The following HNF4A variants were observed in gnomAD, a reference collection of about 807,000 sequenced individuals.
HNF4A encodes hepatocyte nuclear factor 4-alpha.
HNF4A carries 15 observed loss-of-function variants against 52.4 expected under a neutral mutation model. The ratio of observed to expected loss-of-function variants is 0.29; its 90% CI spans 0.19 to 0.44. The LOEUF is 0.44. Among genes scored for constraint, HNF4A ranks in the 20% least tolerant of loss-of-function variants. The probability of loss-of-function intolerance (pLI) is 1.00; values close to 1 mark genes in which losing one functional copy is unlikely to be tolerated. For synonymous variants in HNF4A, 280 were observed against 264.4 expected, an observed-to-expected ratio of 1.06 and a Z score of -0.57; for missense variants, 479 against 647.2, an observed-to-expected ratio of 0.74 and a Z score of 2.82.
At position 44,424,035 on chromosome 20, in the gene HNF4A, G is replaced by C; in HGVS notation, c.910G>C (p.Asp304His). The change falls in exon 8 of 10, where the codon GAT becomes CAT. Residue 304 changes from aspartate to histidine, a missense_variant. Around this residue, in one of 3 missense-constraint regions of HNF4A, gnomAD observed 389 missense variants for 525.1 expected, o/e 0.74. Coordinates refer to ENST00000316099, the MANE Select transcript of HNF4A (RefSeq NM_000457.6). ...CATTGTAGATGCCAAGGGGCTGAGC[G>C]ATCCAGGGAAGATCAAGCGGCTGCG... 6.2e-7 allele frequency: 1 copy of C among 1,613,056 alleles called. No individual in the cohort carries two copies.
chr20:44,370,156 T>G (rs796657745), intron 1 of HNF4A, among the ~76,000 whole-genome samples: 3 of 152,226 alleles, frequency 2.0e-5, no homozygotes, highest in African/African-American at 7.2e-5. Context: ...CCCCCCCAAG[T>G]AGCTGGGACT....
At chr20:44,425,709 C>T (rs1354777916) in intron 8 of HNF4A, among the ~76,000 whole-genome samples, 2 of 142,214 alleles carry the variant, frequency 1.4e-5, no homozygotes, top group East Asian at 2.1e-4. Flanking sequence ...GGCTGGAGTG[C>T]AGTGGCGCAA....
At chr20:44,408,756 C>T (rs938338181) in intron 3 of HNF4A, among the ~76,000 whole-genome samples, 5 of 151,956 alleles carry the variant, frequency 3.3e-5, no homozygotes, top group African/African-American at 1.2e-4. Flanking sequence ...AGTTCATTTT[C>T]GAATCTCTTC....
At position 44,424,374 on chromosome 20, in the gene HNF4A, G is replaced by A. The variant is rs145360792; in HGVS notation, c.1129+120G>A. 115 of 1,508,754 alleles carry A rather than the reference G, an allele frequency of 7.6e-5. 1 individual carries two copies. The highest frequency in any genetic ancestry group is 1.8e-4 in the Middle Eastern group (1 of 5,586). 93.5% of individuals were successfully genotyped at this position (1,508,754 alleles called of 1,614,324 possible). A position where few individuals can be genotyped will look rare whatever the true frequency, so the allele number is the denominator to read the frequency against. On this transcript the variant is annotated intron_variant, in intron 8 of 9. Coordinates refer to ENST00000316099, the MANE Select transcript of HNF4A (RefSeq NM_000457.6). ...CCCACTGTGCCGCTTTGGGCAAGTT[G>A]CTTAACCTGTCTGTGCCTCAGTTTC...
rs193163870 is a variant in HNF4A, at chr20:44,395,145, G to A, written c.50-10913G>A. ...GTCTGTGATGAAGTAGAAAGTGCTC[G>A]TTGTTAAGACAAAGCTCACCCACCA... On this transcript the variant is annotated intron_variant, in intron 1 of 9. Coordinates refer to the HNF4A transcript ENST00000316673. 3.9e-5 allele frequency among the ~76,000 whole-genome samples: 6 copies of A among 152,322 alleles called. No individual in the cohort carries two copies. In the East Asian group the frequency reaches 9.6e-4, roughly 24 times the overall value.
At chr20:44,367,988 GT>G (rs372383597) in intron 1 of HNF4A, among the ~76,000 whole-genome samples, 3 of 148,472 alleles carry the variant, frequency 2.0e-5, no homozygotes, top group African/African-American at 7.4e-5. Flanking sequence ...CGAGAGGAGA[GT>G]TTATCTCTCC....
chr20:44,359,259 CT>C (rs2062892109), intron 1 of HNF4A, among the ~76,000 whole-genome samples: 1 of 152,214 alleles, frequency 6.6e-6, no homozygotes, highest in African/African-American at 2.4e-5. Context: ...CTCTGCCCTC[CT>C]CACTGCGTTG....
At chr20:44,421,759 A>G (rs1239645021) in intron 7 of HNF4A, among the ~76,000 whole-genome samples, 3 of 147,852 alleles carry the variant, frequency 2.0e-5, no homozygotes, top group African/African-American at 7.4e-5. Context: ...CATCTCAAAA[A>G]AATACATATA....
At chr20:44,381,713 T>G (rs924767351) in intron 1 of HNF4A, among the ~76,000 whole-genome samples, 2 of 152,002 alleles carry the variant, frequency 1.3e-5, no homozygotes, top group African/African-American at 4.8e-5. Context: ...CAGGTTCAAG[T>G]GATTCTTGTG....
chr20:44,388,370 AG>A (rs2063258049), intron 1 of HNF4A, among the ~76,000 whole-genome samples: 1 of 96,264 alleles, frequency 1.0e-5, no homozygotes, highest in African/African-American at 7.2e-5. Context: ...CCTTCCTCAA[AG>A]ACCCCCCCCA....
intron 3 of HNF4A, among the ~76,000 whole-genome samples, chr20:44,412,980 T>G (rs980607379): frequency 1.3e-5 from 2 of 152,140 alleles, no homozygotes; most frequent in African/African-American, 2.4e-5. Flanking sequence ...CAAGCCTCAT[T>G]CCACAGTGAG....
intron 3 of HNF4A, among the ~76,000 whole-genome samples, chr20:44,410,321 G>A (rs992068474): frequency 6.6e-6 from 1 of 152,248 alleles, no homozygotes; most frequent in Non-Finnish European, 1.5e-5. Context: ...GCGTGGGTTA[G>A]TCGATGCTAG....
At chr20:44,366,231 A>G (rs1161108039) in intron 1 of HNF4A, among the ~76,000 whole-genome samples, 1 of 152,194 alleles carries the variant, frequency 6.6e-6, no homozygotes, top group East Asian at 1.9e-4. Flanking sequence ...TGTTTTATTT[A>G]TGTATATTTA....
intron 8 of HNF4A, among the ~76,000 whole-genome samples, chr20:44,426,768 T>A (rs2063819098): frequency 6.6e-6 from 1 of 152,022 alleles, no homozygotes; most frequent in Admixed American, 6.6e-5. Context: ...GATCATGACA[T>A]TGCACTCCAG....
At chr20:44,390,357 C>G (rs974267857) in intron 1 of HNF4A, 4 of 444,728 alleles carry the variant, frequency 9.0e-6, no homozygotes, top group African/African-American at 7.9e-5. Flanking sequence ...GAGCAGGACC[C>G]AGGAGTCCAG....
chr20:44,413,620 T>G, intron 3 of HNF4A, 74 bp from the exon 4 acceptor site: 1 of 995,922 alleles, frequency 1.0e-6, no homozygotes, highest in Non-Finnish European at 1.6e-6. Context: ...CTCCCACTCC[T>G]CATCAGTCAC....
chr20:44,408,356 T>C (rs1340165805), intron 3 of HNF4A, among the ~76,000 whole-genome samples: 1 of 152,200 alleles, frequency 6.6e-6, no homozygotes, highest in Non-Finnish European at 1.5e-5. Context: ...TATTATTTTA[T>C]GCTCTCCAGA....
intron 1 of HNF4A, among the ~76,000 whole-genome samples, chr20:44,383,936 C>T (rs767963958): frequency 1.8e-4 from 27 of 151,896 alleles, no homozygotes; most frequent in South Asian, 4.2e-4. Context: ...CTGCAACCTC[C>T]GCCTCCCAGG....
At chr20:44,363,751 C>T (rs2062942451) in intron 1 of HNF4A, among the ~76,000 whole-genome samples, 1 of 146,772 alleles carries the variant, frequency 6.8e-6, no homozygotes, top group African/African-American at 2.5e-5. Context: ...CAATGTCACC[C>T]AGTGGCTCTA....
Sources: allele counts gnomAD v4.1 joint callset (sites outside exome capture counted in the v4.1 genomes callset), GRCh38; gene constraint gnomAD v4.1.1; regional missense constraint gnomAD v4.1.1; transcripts MANE v1.5; gene names NCBI Gene and HGNC (gene_info 2026-07-23, HGNC 2026-07-21).